RIC1: variants seen among roughly 807,000 people sequenced by gnomAD.
The protein encoded by RIC1 is RIC1 partner of RAB6A GEF complex.
RIC1 carries 88 observed loss-of-function variants against 169.0 expected under a neutral mutation model. The observed-to-expected ratio is 0.52, with a 90% CI of 0.44 to 0.62. The LOEUF is 0.62. Ranked by LOEUF, RIC1 falls within the 20% of genes least tolerant of loss-of-function variation. The pLI, the probability that RIC1 is intolerant of heterozygous loss-of-function variation, is 0.00. For synonymous variants in RIC1, 790 were observed against 601.5 expected (o/e 1.31, Z -4.59); for missense variants, 1,877 against 1,725.5 (o/e 1.09, Z -1.56).
intron 2 of RIC1, among the ~76,000 whole-genome samples, chr9:5,661,052 AC>A (rs1401566442): frequency 2.0e-5 from 3 of 152,114 alleles, no homozygotes; most frequent in Non-Finnish European, 4.4e-5. Flanking sequence ...TTTTCTGCAT[AC>A]AGCTAGCCAG....
intron 23 of RIC1, 53 bp from the exon 24 acceptor site, chr9:5,772,511 A>G: frequency 2.1e-6 from 3 of 1,416,054 alleles, no homozygotes; most frequent in Non-Finnish European, 2.9e-6. Context: ...AAATTAAAGG[A>G]AAATATATTT....
chr9:5,735,133 C>G (rs1212867827), intron 7 of RIC1, among the ~76,000 whole-genome samples: 1 of 151,960 alleles, frequency 6.6e-6, no homozygotes, highest in Non-Finnish European at 1.5e-5. Flanking sequence ...ATTTTCATGA[C>G]ATTGACTTTT....
At chr9:5,713,307 A>C (rs2130827287) in intron 3 of RIC1, 1 of 152,396 alleles carries the variant, frequency 6.6e-6, no homozygotes, top group South Asian at 2.1e-4. Context: ...AGTTCAGTTA[A>C]GTTGGCATTG....
At chr9:5,648,229 C>A (rs1818628968) in intron 1 of RIC1, among the ~76,000 whole-genome samples, 1 of 152,128 alleles carries the variant, frequency 6.6e-6, no homozygotes, top group Non-Finnish European at 1.5e-5. Context: ...GGTGATCCAC[C>A]TGTCTCGGCC....
At chr9:5,682,805 C>G (rs909074347) in intron 2 of RIC1, among the ~76,000 whole-genome samples, 9 of 152,212 alleles carry the variant, frequency 5.9e-5, no homozygotes, top group African/African-American at 2.2e-4. Context: ...GTACACCAAT[C>G]AGACATAGAT....
At chr9:5,662,059 A>T (rs1320154636) in intron 2 of RIC1, among the ~76,000 whole-genome samples, 1 of 152,160 alleles carries the variant, frequency 6.6e-6, no homozygotes, top group African/African-American at 2.4e-5. Context: ...GAATTTTATT[A>T]AAGACCTTTT....
chr9:5,744,958 T>G (rs1825293307), intron 10 of RIC1, among the ~76,000 whole-genome samples: 1 of 152,152 alleles, frequency 6.6e-6, no homozygotes, highest in African/African-American at 2.4e-5. Flanking sequence ...ATCTTGAGTT[T>G]CTTGTAGAAT....
chr9:5,766,638 C>T (rs1469412744), intron 21 of RIC1, among the ~76,000 whole-genome samples: 1 of 152,202 alleles, frequency 6.6e-6, no homozygotes, highest in Non-Finnish European at 1.5e-5. Flanking sequence ...TAGAATAATA[C>T]TCTCCAATCT....
At chr9:5,729,103 C>T (rs1315424093) in intron 6 of RIC1, among the ~76,000 whole-genome samples, 1 of 152,150 alleles carries the variant, frequency 6.6e-6, no homozygotes, top group African/African-American at 2.4e-5. Context: ...TACTTGGCTA[C>T]CCCAGTATTC....
In RIC1 at chr9:5,682,042, C is replaced by G. The variant is rs555030663; in HGVS notation, c.253-7917C>G. On this transcript the variant is annotated intron_variant, in intron 2 of 25. Transcript: ENST00000414202. ...CTTCCTCCATCCCTTTATTTTGAGC[C>G]TATGTGTGTCTCTGCACCTGAGATG... is the stretch of plus-strand genomic sequence containing the variant. Among the ~76,000 whole-genome samples the G allele has an allele frequency of 1.3e-5, 2 of 152,132 alleles. 1 individual carries two copies. The highest frequency in any genetic ancestry group is 4.1e-4 in the South Asian group (2 of 4,824).
intron 1 of RIC1, among the ~76,000 whole-genome samples, chr9:5,651,629 T>A (rs192827124): frequency 6.7e-6 from 1 of 149,852 alleles, no homozygotes; most frequent in East Asian, 2.0e-4. Context: ...AGTGGTGTGA[T>A]CTCAGCTCAC....
At chr9:5,759,039 G>A (rs964139423) in intron 17 of RIC1, among the ~76,000 whole-genome samples, 3 of 151,674 alleles carry the variant, frequency 2.0e-5, no homozygotes, top group Non-Finnish European at 2.9e-5. Context: ...CATCGTGCTC[G>A]GCCTTGGTCT....
chr9:5,737,110 T>C (rs557826826), intron 7 of RIC1, among the ~76,000 whole-genome samples: 21 of 152,308 alleles, frequency 1.4e-4, no homozygotes, highest in African/African-American at 4.6e-4. Flanking sequence ...GTTGCATAAG[T>C]AATCTAAAAC....
intron 7 of RIC1, 99 bp from the exon 8 acceptor site, chr9:5,738,351 A>T: frequency 1.3e-6 from 1 of 759,854 alleles, no homozygotes; most frequent in Non-Finnish European, 2.2e-6. Flanking sequence ...GTTTTGTTCT[A>T]GTTTACACTC....
intron 1 of RIC1, among the ~76,000 whole-genome samples, chr9:5,643,046 C>T (rs1176293235): frequency 6.6e-6 from 1 of 152,042 alleles, no homozygotes; most frequent in Non-Finnish European, 1.5e-5. Flanking sequence ...ACACCTGTAA[C>T]CTCAGCACTT....
At position 5,769,451 on chromosome 9, in the gene RIC1, C is replaced by CT. The variant is rs1303763147; in HGVS notation, c.3424+196dup. 9 of 1,485,002 alleles carry CT rather than the reference C, an allele frequency of 6.1e-6. No homozygotes were observed. In the Admixed American group the frequency reaches 7.0e-5, roughly 12 times the overall value. 92.0% of individuals were successfully genotyped at this position (1,485,002 alleles called of 1,614,324 possible). A position where few individuals can be genotyped will look rare whatever the true frequency, so the allele number is the denominator to read the frequency against. On this transcript the variant is annotated intron_variant, in intron 22 of 25. Coordinates refer to ENST00000414202, the MANE Select transcript of RIC1 (RefSeq NM_020829.4). Reference sequence around the variant, plus strand: ...TGTAAATAAAGTAGAACCTATGTCTCTAAGTCTTGTGACCTTGAAGTCTAA... The same window carrying CT: ...TGTAAATAAAGTAGAACCTATGTCTCTTAAGTCTTGTGACCTTGAAGTCTAA...
Position 5,640,015 on chromosome 9 carries a change from A to G in RIC1, c.144+10562A>G, listed in dbSNP as rs533760134. ...ACAGATCAGTGGATCTTGTTTTTTC[A>G]TCCATTCACCCACTCTCTGTCTTTT... On this transcript the variant is annotated intron_variant, in intron 1 of 25. Transcript: ENST00000414202. Among the ~76,000 whole-genome samples, 9 of 152,158 alleles carry G rather than the reference A, an allele frequency of 5.9e-5. No homozygotes were observed. In the South Asian group the frequency reaches 1.9e-3, roughly 32 times the overall value.
chr9:5,743,991 G>A (rs186609011), intron 10 of RIC1, among the ~76,000 whole-genome samples: 3 of 152,052 alleles, frequency 2.0e-5, no homozygotes, highest in African/African-American at 2.4e-5. Context: ...TAGTAGAGAC[G>A]TGGTCTTGCC....
intron 17 of RIC1, 124 bp downstream of exon 17, chr9:5,757,575 T>C: frequency 1.0e-6 from 1 of 985,814 alleles, no homozygotes; most frequent in East Asian, 2.6e-5. Context: ...TATATGAGAA[T>C]GCTGGGTTGC....
Sources: gnomAD v4.1 joint callset for allele counts (sites outside exome capture counted in the v4.1 genomes callset) on GRCh38, gnomAD v4.1.1 for gene constraint, MANE v1.5 for transcripts, NCBI Gene and HGNC (gene_info 2026-07-23, HGNC 2026-07-21) for gene names.